Variants in DCP1B observed in about 807,000 individuals in gnomAD.
The protein encoded by DCP1B is mRNA-decapping enzyme 1B.
A neutral mutation model predicts 60.5 loss-of-function variants in DCP1B; 47 were observed. That is an observed-to-expected ratio of 0.78 (90% CI 0.61 to 0.99). DCP1B has a LOEUF of 0.99. Ranked by LOEUF, DCP1B falls within the 50% of genes least tolerant of loss-of-function variation. DCP1B has a pLI of 0.00. For missense variants in DCP1B, 725 were observed against 756.8 expected (o/e 0.96, Z 0.49); for synonymous variants, 267 against 280.3 (o/e 0.95, Z 0.47).
intron 3 of DCP1B, among the ~76,000 whole-genome samples, chr12:1,975,973 A>G (rs1333729862): frequency 6.6e-6 from 1 of 152,194 alleles, no homozygotes; most frequent in East Asian, 1.9e-4. Flanking sequence ...TGTGTGTTTC[A>G]AGGAACTATC....
At chr12:1,997,100 CT>C (rs145159346) in intron 2 of DCP1B, among the ~76,000 whole-genome samples, 22,362 of 152,120 alleles carry the variant, frequency 0.15, 1,794 homozygotes, top group East Asian at 0.21. Flanking sequence ...ATATTAATAT[CT>C]GATAACAAGA....
chr12:1,952,561 T>C lies in DCP1B; in HGVS notation c.1379A>G (p.Gln460Arg). Reference protein sequence around the residue: ...QELLKKLQIVQQEQQLHASNR... With the variant: ...QELLKKLQIVRQEQQLHASNR... ...AGAGGCATGCAGCTGCTGCTCCTGCTGTACAATCTGAAGCTTCTTCAGTAA... is the reference window on the plus strand; with the variant it reads ...AGAGGCATGCAGCTGCTGCTCCTGCCGTACAATCTGAAGCTTCTTCAGTAA... Residue 460 changes from glutamine (Q) to arginine (R), a missense_variant, in exon 7 of 9, where the codon CAG becomes CGG. Physicochemically the swap from Gln to Arg is conservative, Grantham distance 43. Transcript: ENST00000280665. 6.2e-7 allele frequency: 1 copy of C among 1,614,202 alleles called. No homozygotes were observed. Among genetic ancestry groups the C allele is most frequent in the Non-Finnish European group, 8.5e-7 (1 of 1,180,030 alleles).
intron 5 of DCP1B, among the ~76,000 whole-genome samples, chr12:1,959,768 G>A (rs568740770): frequency 1.3e-5 from 2 of 152,220 alleles, no homozygotes; most frequent in East Asian, 3.9e-4. Context: ...GACCATCCTG[G>A]CTAACACGGT....
intron 7 of DCP1B, 145 bp from the exon 8 acceptor site, chr12:1,949,479 T>C: frequency 8.9e-7 from 1 of 1,119,588 alleles, no homozygotes; most frequent in East Asian, 2.6e-5. Flanking sequence ...TGATTCTTGC[T>C]CCACTGCTCC....
chr12:1,969,514 T>C (rs2031696290), intron 3 of DCP1B, among the ~76,000 whole-genome samples: 1 of 150,398 alleles, frequency 6.6e-6, no homozygotes, highest in Admixed American at 6.6e-5. Context: ...TAGATGGAAA[T>C]ACATACACAT....
intron 2 of DCP1B, among the ~76,000 whole-genome samples, chr12:1,993,684 T>C (rs2040093302): frequency 6.6e-6 from 1 of 151,990 alleles, no homozygotes; most frequent in Non-Finnish European, 1.5e-5. Flanking sequence ...TTTCTTAACC[T>C]AACGTTGTAA....
At chr12:1,998,136 G>A (rs543430923) in intron 1 of DCP1B, among the ~76,000 whole-genome samples, 161 bp from the exon 2 acceptor site, 4 of 152,324 alleles carry the variant, frequency 2.6e-5, no homozygotes, top group Non-Finnish European at 5.9e-5. Context: ...CAAGTTCTAT[G>A]TCATCATTGT....
At chr12:1,982,759 T>C (rs1013250258) in intron 3 of DCP1B, among the ~76,000 whole-genome samples, 3 of 152,264 alleles carry the variant, frequency 2.0e-5, no homozygotes, top group East Asian at 1.9e-4. Flanking sequence ...TTTCTTGAAA[T>C]GTCTTTGCCT....
intron 1 of DCP1B, among the ~76,000 whole-genome samples, chr12:2,003,450 CATT>C (rs2042648060): frequency 6.6e-6 from 1 of 152,156 alleles, no homozygotes; most frequent in African/African-American, 2.4e-5. Flanking sequence ...GGACAAAACT[CATT>C]ATGAGTAAAG....
chr12:1,968,674 CCTT>C (rs1222107156), intron 3 of DCP1B, among the ~76,000 whole-genome samples: 1 of 152,232 alleles, frequency 6.6e-6, no homozygotes, highest in Non-Finnish European at 1.5e-5. Flanking sequence ...CTCCCCTTCT[CCTT>C]CTCTCAGGAA....
intron 3 of DCP1B, among the ~76,000 whole-genome samples, chr12:1,976,263 A>C (rs765406702): frequency 2.0e-5 from 3 of 152,208 alleles, no homozygotes; most frequent in Non-Finnish European, 4.4e-5. Context: ...CTCTCTAAGC[A>C]ATGGTGCATA....
chr12:1,946,739 A>G (rs912620670), intron 8 of DCP1B, among the ~76,000 whole-genome samples: 5 of 152,086 alleles, frequency 3.3e-5, no homozygotes, highest in African/African-American at 1.2e-4. Context: ...TCACTCTGTC[A>G]CCCAAGCTAA....
rs2030852347 is a variant in DCP1B at position 1,955,542 on chromosome 12, G to A, written c.541C>T (p.Pro181Ser). 1 of 1,613,156 alleles carries A rather than the reference G, an allele frequency of 6.2e-7. No homozygotes were observed. Among genetic ancestry groups the A allele is most frequent in the African/African-American group, 1.3e-5 (1 of 74,848 alleles). ...GCAGAGGAACTGGTTATCTTTTTTG[G>A]CTCAGAACAGGTTTTACACTGAAAT... ...EYTKCKTCSEPKKITSSSAIY... is the reference protein window; with the variant it reads ...EYTKCKTCSESKKITSSSAIY... The change falls in exon 6 of 9, where the codon CCA (proline) becomes TCA (serine). Residue 181 changes from proline to serine, a missense_variant. Coordinates refer to ENST00000280665, the MANE Select transcript of DCP1B (RefSeq NM_152640.5).
chr12:2,001,048 A>G (rs987891522), intron 1 of DCP1B, among the ~76,000 whole-genome samples: 4 of 152,176 alleles, frequency 2.6e-5, no homozygotes, highest in Admixed American at 2.6e-4. Flanking sequence ...AAAAAAAAAA[A>G]AAAAAGAGAG....
chr12:1,947,098 T>C (rs2030458628), intron 8 of DCP1B, among the ~76,000 whole-genome samples: 1 of 152,212 alleles, frequency 6.6e-6, no homozygotes, highest in Admixed American at 6.5e-5. Flanking sequence ...CTAATATAAG[T>C]CTTCCCATAA....
chr12:1,950,292 C>T, intron 7 of DCP1B: 1 of 702,178 alleles, frequency 1.4e-6, no homozygotes, highest in Non-Finnish European at 2.6e-6. Flanking sequence ...CAGTGATGCT[C>T]CCGGAGGTGG....
Position 1,949,231 on chromosome 12 carries a change from C to G in DCP1B, c.1628G>C (p.Ser543Thr), listed in dbSNP as rs751290770. ...PTSVPPKERE[S>T]GLLPVGGQEP... ...CTGGCCTCCCACAGGCAAGAGGCCG[C>G]TCTCCCTTTCCTTTGGCGGGACGGA... The change falls in exon 8 of 9, where the codon AGC becomes ACC. Residue 543 changes from serine (S) to threonine (T), a missense_variant. By Grantham distance (58) the Ser-to-Thr change is moderately conservative (BLOSUM62 1). Transcript: ENST00000280665. 4.3e-6 allele frequency: 7 copies of G among 1,614,030 alleles called. No homozygotes were observed. In the African/African-American group the frequency reaches 6.7e-5, roughly 15 times the overall value.
At chr12:1,973,841 G>C (rs1353387365) in intron 3 of DCP1B, among the ~76,000 whole-genome samples, 1 of 152,098 alleles carries the variant, frequency 6.6e-6, no homozygotes, top group East Asian at 1.9e-4. Flanking sequence ...TCATAATCTT[G>C]CTGAAAAATT....
intron 5 of DCP1B, among the ~76,000 whole-genome samples, chr12:1,957,788 C>T (rs139751397): frequency 1.3e-5 from 2 of 152,356 alleles, no homozygotes; most frequent in East Asian, 1.9e-4. Flanking sequence ...AGAGAATGCA[C>T]AAAATTTCAG....
Sources: gnomAD v4.1 joint callset for allele counts (sites outside exome capture counted in the v4.1 genomes callset) on GRCh38, gnomAD v4.1.1 for gene constraint, MANE v1.5 for transcripts, NCBI Gene and HGNC (gene_info 2026-07-23, HGNC 2026-07-21) for gene names.